The following C11orf65 variants were observed in gnomAD, a reference collection of about 807,000 sequenced individuals.
The protein encoded by C11orf65 is protein MFI.
Under a neutral mutation model 35.3 loss-of-function variants are expected in C11orf65, and 38 were observed. That is an observed-to-expected ratio of 1.08 (90% CI 0.83 to 1.41). The LOEUF (loss-of-function observed/expected upper bound fraction) is 1.41, where lower values mean the gene tolerates loss of function less well. Ranked by LOEUF, C11orf65 falls within the 40% of genes most tolerant of loss-of-function variation. C11orf65 has a pLI of 0.00. For synonymous variants in C11orf65, 105 were observed against 114.4 expected, an observed-to-expected ratio of 0.92 and a Z score of 0.53; for missense variants, 370 against 367.1, an observed-to-expected ratio of 1.01 and a Z score of -0.06.
chr11:108,408,076 G>A (rs2092581350), intron 3 of C11orf65, among the ~76,000 whole-genome samples: 2 of 149,596 alleles, frequency 1.3e-5, no homozygotes, highest in South Asian at 4.2e-4. Flanking sequence ...CAATGTGCAG[G>A]TTAGTTACAT....
At position 108,331,613 on chromosome 11, in the gene C11orf65, A is replaced by G. The variant is rs778741313; in HGVS notation, c.300-46T>C. Reference sequence around the variant, plus strand: ...ATTATTTTTATTCTATTATTACTATATATTATATAAAGTATATATACCATT... The same window carrying G: ...ATTATTTTTATTCTATTATTACTATGTATTATATAAAGTATATATACCATT... On this transcript the variant is annotated intron_variant, in intron 3 of 3. Coordinates refer to the C11orf65 transcript ENST00000524755. 8 of 1,429,496 alleles carry G rather than the reference A, an allele frequency of 5.6e-6. No homozygotes were observed. The South Asian group carries it at 1.2e-4, about 22-fold the overall frequency. 88.6% of individuals were successfully genotyped at this position (1,429,496 alleles called of 1,614,324 possible).
At chr11:108,469,277 T>C (rs140382557), upstream of C11orf65, among the ~76,000 whole-genome samples, 1,152 of 151,648 alleles carry the variant, frequency 7.6e-3, 13 homozygotes, top group African/African-American at 0.024. Context: ...GTCCACTGAA[T>C]TGTACAATTG....
chr11:108,338,057 T>A (rs565135538), intron 2 of C11orf65, among the ~76,000 whole-genome samples: 1 of 152,344 alleles, frequency 6.6e-6, no homozygotes, highest in East Asian at 1.9e-4. Context: ...GTTATTCCAT[T>A]AAGATTTCTA....
At chr11:108,376,911 T>C (rs958462696) in intron 2 of C11orf65, among the ~76,000 whole-genome samples, 4 of 151,564 alleles carry the variant, frequency 2.6e-5, no homozygotes, top group Non-Finnish European at 5.9e-5. Context: ...ACACATACAC[T>C]CTCCCGAGAC....
chr11:108,367,327 T>TGTAA (rs2091385230), intron 2 of C11orf65: 1 of 183,920 alleles, frequency 5.4e-6, no homozygotes, highest in African/African-American at 2.4e-5. Context: ...TCCCCTTTCT[T>TGTAA]GTAAGTTCTG....
At chr11:108,332,389 G>A (rs374091481) in intron 3 of C11orf65, among the ~76,000 whole-genome samples, 29 of 152,060 alleles carry the variant, frequency 1.9e-4, no homozygotes, top group Non-Finnish European at 3.8e-4. Flanking sequence ...CCAAGGTTGC[G>A]CCATTGCACT....
intron 2 of C11orf65, chr11:108,343,429 T>C: frequency 2.5e-6 from 4 of 1,592,140 alleles, no homozygotes; most frequent in Non-Finnish European, 3.4e-6. Flanking sequence ...TTATTAAAGC[T>C]GACAGCTGTC....
At chr11:108,333,538 A>G (rs1321993081) in intron 3 of C11orf65, among the ~76,000 whole-genome samples, 1 of 152,204 alleles carries the variant, frequency 6.6e-6, no homozygotes, top group Admixed American at 6.5e-5. Flanking sequence ...AAGTATTGAC[A>G]TGTCTTTTAG....
chr11:108,382,419 T>C (rs758650203), downstream of C11orf65, among the ~76,000 whole-genome samples: 1 of 151,812 alleles, frequency 6.6e-6, no homozygotes, highest in Non-Finnish European at 1.5e-5. Flanking sequence ...AAGGGCAACA[T>C]TGATGAAAGC....
intron 6 of C11orf65, among the ~76,000 whole-genome samples, chr11:108,395,417 C>T (rs1385961700): frequency 5.3e-5 from 8 of 151,490 alleles, no homozygotes; most frequent in Admixed American, 2.0e-4. Context: ...CTCCACCTCC[C>T]GGGTTCAAGC....
rs1369400291 is a variant in C11orf65, at chr11:108,362,495, C to T, written c.227-27203G>A. Among the ~76,000 whole-genome samples the T allele has an allele frequency of 3.3e-3, 496 of 149,874 alleles. 2 individuals are homozygous for T. Among genetic ancestry groups the T allele is most frequent in the African/African-American group, 0.012 (483 of 41,104 alleles). On this transcript the variant is annotated intron_variant, in intron 2 of 3. Coordinates refer to the C11orf65 transcript ENST00000524755. ...AATCATGCTGCTATAAAGACACATG[C>T]ACACGTATGTTTATTGCGGCATTAT...
chr11:108,329,242 A>G (rs730881316), downstream of C11orf65: 2 of 1,608,862 alleles, frequency 1.2e-6, no homozygotes, highest in Non-Finnish European at 1.7e-6. Context: ...CAAACAGGTA[A>G]CTAGGTTTCT....
chr11:108,313,642 C>T (rs1296361560), intron 6 of C11orf65, among the ~76,000 whole-genome samples: 1 of 152,164 alleles, frequency 6.6e-6, no homozygotes, highest in Admixed American at 6.5e-5. Flanking sequence ...CTCCTCTCTA[C>T]TGAGTTTTTG....
chr11:108,443,100 C>G (rs565882136), intron 2 of C11orf65, among the ~76,000 whole-genome samples: 1 of 152,122 alleles, frequency 6.6e-6, no homozygotes, highest in African/African-American at 2.4e-5. Flanking sequence ...CACACATAGG[C>G]TCAAAATAAA....
chr11:108,387,218 G>A (rs1370039694), intron 7 of C11orf65, among the ~76,000 whole-genome samples: 3 of 134,032 alleles, frequency 2.2e-5, no homozygotes, highest in East Asian at 2.2e-4. Flanking sequence ...GTGATGGCAC[G>A]ATCTCGGCTC....
Position 108,334,977 on chromosome 11 carries a change from C to T in C11orf65, c.299+243G>A, listed in dbSNP as rs1181283176. 6.2e-7 allele frequency: 1 copy of T among 1,612,964 alleles called. No individual in the cohort carries two copies. Among genetic ancestry groups the T allele is most frequent in the African/African-American group, 1.3e-5 (1 of 74,858 alleles). On this transcript the variant is annotated intron_variant, in intron 3 of 3. Transcript: ENST00000524755. ...GTTTATACTTTTATTAGGTGGACCA[C>T]ACAGGAGAATATGGAAATCTGGTGA...
intron 2 of C11orf65, chr11:108,366,524 T>C: frequency 4.4e-6 from 1 of 228,518 alleles, no homozygotes. Context: ...AGGCTGTTCA[T>C]CCAGTTTTGT....
intron 6 of C11orf65, chr11:108,310,117 A>C (rs1433982443): frequency 6.3e-7 from 1 of 1,580,826 alleles, no homozygotes; most frequent in Non-Finnish European, 8.7e-7. Flanking sequence ...TTTGATATTG[A>C]AGTTTAAAAA....
intron 2 of C11orf65, among the ~76,000 whole-genome samples, chr11:108,452,544 T>C (rs1304941837): frequency 1.3e-5 from 2 of 152,182 alleles, no homozygotes; most frequent in Middle Eastern, 3.2e-3. Context: ...ACTTTTACAC[T>C]GTTGGTGGGA....
Sources: gnomAD v4.1 joint callset for allele counts (sites outside exome capture counted in the v4.1 genomes callset) on GRCh38, gnomAD v4.1.1 for gene constraint, MANE v1.5 for transcripts, NCBI Gene and HGNC (gene_info 2026-07-23, HGNC 2026-07-21) for gene names.